The following FANCB variants were observed in gnomAD, a reference collection of about 807,000 sequenced individuals.
FANCB encodes the protein Fanconi anemia group B protein.
Under a neutral mutation model 38.9 loss-of-function variants are expected in FANCB, and 5 were observed. The ratio of observed to expected loss-of-function variants is 0.13; its 90% CI spans 0.07 to 0.27. The LOEUF (loss-of-function observed/expected upper bound fraction) is 0.27, where lower values mean the gene tolerates loss of function less well. FANCB is among the 10% of genes least tolerant of loss of function. The pLI, the probability that FANCB is intolerant of heterozygous loss-of-function variation, is 1.00. For synonymous variants in FANCB, 236 were observed against 215.4 expected (o/e 1.10, Z -0.84); for missense variants, 573 against 602.7 (o/e 0.95, Z 0.52).
intron 3 of FANCB, among the ~76,000 whole-genome samples, chrX:14,859,749 C>T (rs909242904): frequency 5.4e-5 from 6 of 111,746 alleles, no homozygotes; most frequent in African/African-American, 2.0e-4. Flanking sequence ...CCCATTAAGT[C>T]TTAGTGTATA....
intron 1 of FANCB, among the ~76,000 whole-genome samples, chrX:14,870,955 T>C (rs990210057): frequency 1.8e-5 from 2 of 111,975 alleles, no homozygotes; most frequent in African/African-American, 6.5e-5. Flanking sequence ...TGATAGATGT[T>C]GTTTTTCCAA....
At chrX:14,794,783 T>C in the FANCB span, among the ~76,000 whole-genome samples, 3 of 111,240 alleles carry the variant, frequency 2.7e-5, no homozygotes, top group African/African-American at 9.8e-5. Flanking sequence ...GTCTGTAGAG[T>C]GGGGAGAGAA....
chrX:14,712,343 C>T, the FANCB span, among the ~76,000 whole-genome samples: 1 of 111,762 alleles, frequency 8.9e-6, no homozygotes, highest in East Asian at 2.8e-4. Flanking sequence ...CAGACATTGC[C>T]AAATATCCCC....
intron 7 of FANCB, among the ~76,000 whole-genome samples, chrX:14,847,651 G>GAAAAAAA (rs755588273): frequency 1.1e-5 from 1 of 90,481 alleles, no homozygotes; most frequent in Non-Finnish European, 2.2e-5. Flanking sequence ...TCTAAAGGAG[G>GAAAAAAA]AAAAAAAAAA....
chrX:14,705,244 C>G, the FANCB span, among the ~76,000 whole-genome samples: 1 of 112,097 alleles, frequency 8.9e-6, no homozygotes, highest in African/African-American at 3.2e-5. Context: ...CCAAGACCTT[C>G]AAGAGGAAAG....
chrX:14,760,731 G>A, the FANCB span, among the ~76,000 whole-genome samples: 1 of 111,679 alleles, frequency 9.0e-6, no homozygotes, highest in East Asian at 2.8e-4. Flanking sequence ...CACTTTGGGA[G>A]GCCGAGGTGG....
chrX:14,793,688 C>T, the FANCB span, among the ~76,000 whole-genome samples: 11 of 112,197 alleles, frequency 9.8e-5, no homozygotes, highest in South Asian at 1.1e-3. Flanking sequence ...AGTTAACACG[C>T]GTAGAGAGAG....
At chrX:14,734,919 G>T in the FANCB span, among the ~76,000 whole-genome samples, 18 of 96,372 alleles carry the variant, frequency 1.9e-4, no homozygotes, top group African/African-American at 3.4e-4. Flanking sequence ...GCTTTGTTCG[G>T]TTTTTTTTTT....
At chrX:14,708,663 G>A in the FANCB span, among the ~76,000 whole-genome samples, 1,231 of 111,723 alleles carry the variant, frequency 0.011, 10 homozygotes, top group Middle Eastern at 0.032. Flanking sequence ...CAGGCCAGGC[G>A]CGGTGGCTCA....
chrX:14,862,912 G>A (rs1018852926), intron 3 of FANCB, among the ~76,000 whole-genome samples: 1 of 111,127 alleles, frequency 9.0e-6, no homozygotes, highest in Non-Finnish European at 1.9e-5. Flanking sequence ...AACACTATAG[G>A]GTATACCAGA....
the FANCB span, among the ~76,000 whole-genome samples, chrX:14,783,985 G>A: frequency 8.9e-6 from 1 of 112,259 alleles, no homozygotes; most frequent in African/African-American, 3.2e-5. Context: ...CGAGGCAGGC[G>A]GATCACCTGA....
chrX:14,775,291 T>C, the FANCB span, among the ~76,000 whole-genome samples: 20 of 108,261 alleles, frequency 1.8e-4, no homozygotes, highest in African/African-American at 6.7e-4. Context: ...TTGAAGACTT[T>C]CTTGCTGCTG....
At chrX:14,698,634 C>T in the FANCB span, among the ~76,000 whole-genome samples, 3 of 92,434 alleles carry the variant, frequency 3.2e-5, no homozygotes, top group African/African-American at 1.3e-4. Context: ...GCTGAGATCA[C>T]GCCACTGTAC....
chrX:14,742,358 G>A, the FANCB span, among the ~76,000 whole-genome samples: 5 of 111,569 alleles, frequency 4.5e-5, no homozygotes, highest in Non-Finnish European at 9.4e-5. Flanking sequence ...CCATTCTTCC[G>A]GAAGGTAAGT....
chrX:14,806,662 A>G, the FANCB span, among the ~76,000 whole-genome samples: 1 of 112,005 alleles, frequency 8.9e-6, no homozygotes, highest in African/African-American at 3.2e-5. Flanking sequence ...CAACAGAGGA[A>G]AAGGAGACTC....
chrX:14,773,094 T>C, the FANCB span, among the ~76,000 whole-genome samples: 2 of 112,347 alleles, frequency 1.8e-5, no homozygotes, highest in Non-Finnish European at 3.8e-5. Context: ...CCCGTTTTCA[T>C]TCCTCTCCAT....
chrX:14,846,723 G>A (rs781736828), intron 7 of FANCB, among the ~76,000 whole-genome samples: 4 of 109,907 alleles, frequency 3.6e-5, no homozygotes, highest in Admixed American at 9.7e-5. Flanking sequence ...GGAAATACAG[G>A]AGACAGAGAA....
At chrX:14,811,828 C>T in the FANCB span, among the ~76,000 whole-genome samples, 79 of 111,693 alleles carry the variant, frequency 7.1e-4, no homozygotes, top group African/African-American at 2.3e-3. Flanking sequence ...TAGACATCTA[C>T]GGAACTCTCC....
the FANCB span, among the ~76,000 whole-genome samples, chrX:14,690,516 T>C: frequency 8.6e-3 from 966 of 112,163 alleles, 9 homozygotes; most frequent in African/African-American, 0.029. Flanking sequence ...TTCAGTGCTC[T>C]GCCCAGAATC....
Sources: allele counts gnomAD v4.1 joint callset (sites outside exome capture counted in the v4.1 genomes callset), GRCh38; gene constraint gnomAD v4.1.1; transcripts MANE v1.5; gene names NCBI Gene and HGNC (gene_info 2026-07-23, HGNC 2026-07-21).